Variants in SPATA9 observed in about 807,000 individuals in gnomAD.
SPATA9 encodes the protein spermatogenesis associated 9, also known as spermatogenesis-associated protein 9.
In SPATA9, 27 loss-of-function variants were observed where a neutral mutation model predicts 25.5. That is an observed-to-expected ratio of 1.06 (90% CI 0.78 to 1.46). SPATA9 has a LOEUF of 1.46. Ranked by LOEUF, SPATA9 falls within the 40% of genes most tolerant of loss-of-function variation. The pLI is 0.00. For synonymous variants in SPATA9, 102 were observed against 105.7 expected, an observed-to-expected ratio of 0.97 and a Z score of 0.21; for missense variants, 282 against 297.5, an observed-to-expected ratio of 0.95 and a Z score of 0.38.
Position 95,658,849 on chromosome 5 carries a change from C to G in SPATA9, c.539G>C (p.Arg180Thr). ...KNIFQEEESI[R>T]QNREESENCR... The stretch of plus-strand genomic sequence containing the variant: ...ATTTTCACTCTCCTCTCTGTTTTGC[C>G]TTATGGATTCTTCTTCCTGGAAGAT... The change falls in exon 5 of 5, where the codon AGG (arginine) becomes ACG (threonine). Residue 180 changes from arginine to threonine, a missense_variant. Coordinates refer to ENST00000274432, the MANE Select transcript of SPATA9 (RefSeq NM_031952.4). 6.2e-7 allele frequency: 1 copy of G among 1,613,898 alleles called. No individual in the cohort carries two copies. The highest frequency in any genetic ancestry group is 8.5e-7 in the Non-Finnish European group (1 of 1,179,892).
At chr5:95,725,472 C>T in the SPATA9 span, among the ~76,000 whole-genome samples, 3 of 152,234 alleles carry the variant, frequency 2.0e-5, no homozygotes, top group Non-Finnish European at 2.9e-5. Flanking sequence ...TGAAGAGGGG[C>T]GTCATGTGTG....
chr5:95,686,701 TG>T (rs914711517), upstream of SPATA9, among the ~76,000 whole-genome samples: 3 of 152,054 alleles, frequency 2.0e-5, no homozygotes, highest in South Asian at 2.1e-4. Flanking sequence ...AGGACCCTCC[TG>T]GGGGGGTAAC....
chr5:95,674,502 C>A (rs1284257526), intron 3 of SPATA9, among the ~76,000 whole-genome samples: 1 of 152,150 alleles, frequency 6.6e-6, no homozygotes, highest in Non-Finnish European at 1.5e-5. Context: ...CCGTTGGGGT[C>A]AGGGGTTTTC....
chr5:95,716,467 A>G, the SPATA9 span, among the ~76,000 whole-genome samples: 259 of 152,286 alleles, frequency 1.7e-3, no homozygotes, highest in African/African-American at 6.0e-3. Flanking sequence ...ATTTTGGCCA[A>G]TTTCTCCCAT....
the SPATA9 span, chr5:95,731,935 A>G: frequency 6.2e-7 from 1 of 1,614,062 alleles, no homozygotes; most frequent in Non-Finnish European, 8.5e-7. Flanking sequence ...GCTTATCCGC[A>G]CTTACCTGGG....
chr5:95,654,458 T>C, downstream of SPATA9: 1 of 850,492 alleles, frequency 1.2e-6, no homozygotes, highest in African/African-American at 1.7e-5. Context: ...TTTTAATGCT[T>C]TGAATATAAT....
intron 1 of SPATA9, among the ~76,000 whole-genome samples, chr5:95,694,923 TC>T (rs1427103735): frequency 6.6e-6 from 1 of 152,030 alleles, no homozygotes; most frequent in Non-Finnish European, 1.5e-5. Context: ...AACACACCAA[TC>T]CAACAAAATC....
the SPATA9 span, among the ~76,000 whole-genome samples, chr5:95,728,763 C>T: frequency 6.6e-6 from 1 of 152,094 alleles, no homozygotes; most frequent in Admixed American, 6.6e-5. Flanking sequence ...CATTCTTAGC[C>T]ACAGGATGAG....
upstream of SPATA9, among the ~76,000 whole-genome samples, chr5:95,683,407 C>A (rs1226686006): frequency 6.6e-6 from 1 of 152,128 alleles, no homozygotes; most frequent in African/African-American, 2.4e-5. Context: ...ATCTCAATCT[C>A]TTTTCTTCAT....
chr5:95,667,910 A>G (rs1045115501), intron 3 of SPATA9, among the ~76,000 whole-genome samples: 2 of 152,176 alleles, frequency 1.3e-5, no homozygotes, highest in South Asian at 4.2e-4. Context: ...CTAGTTGTAT[A>G]AAAGTGTATG....
intron 4 of SPATA9, among the ~76,000 whole-genome samples, chr5:95,661,408 C>T (rs1341312901): frequency 6.6e-6 from 1 of 152,062 alleles, no homozygotes; most frequent in Non-Finnish European, 1.5e-5. Context: ...CTCTCCCAGG[C>T]CTTAGATACA....
the SPATA9 span, among the ~76,000 whole-genome samples, chr5:95,728,554 C>T: frequency 1.3e-5 from 2 of 152,180 alleles, no homozygotes; most frequent in African/African-American, 2.4e-5. Flanking sequence ...CTTTTACTGA[C>T]TGCCTTTGTA....
At chr5:95,653,223 A>C in intron 8 of SPATA9, 1 of 1,551,648 alleles carries the variant, frequency 6.4e-7, no homozygotes, top group South Asian at 1.2e-5. Flanking sequence ...AGGTAAGAAA[A>C]TGAAAGGTTT....
At chr5:95,729,189 T>G in the SPATA9 span, among the ~76,000 whole-genome samples, 1 of 152,246 alleles carries the variant, frequency 6.6e-6, no homozygotes, top group African/African-American at 2.4e-5. Flanking sequence ...CTTAATAAAC[T>G]GGCTTTCACT....
upstream of SPATA9, among the ~76,000 whole-genome samples, chr5:95,701,635 T>C (rs1248697690): frequency 2.0e-5 from 3 of 151,802 alleles, no homozygotes; most frequent in Non-Finnish European, 2.9e-5. Context: ...AAGAAAATCA[T>C]TTATATACTA....
At chr5:95,692,851 C>T (rs1753924676) in intron 1 of SPATA9, among the ~76,000 whole-genome samples, 1 of 152,116 alleles carries the variant, frequency 6.6e-6, no homozygotes, top group Non-Finnish European at 1.5e-5. Context: ...TTGTAGCCAA[C>T]TACATACCAA....
chr5:95,694,300 T>G (rs1358437325), intron 1 of SPATA9, among the ~76,000 whole-genome samples: 1 of 152,228 alleles, frequency 6.6e-6, no homozygotes, highest in Non-Finnish European at 1.5e-5. Flanking sequence ...AGAGCATGAC[T>G]TAAAAGTACA....
chr5:95,731,221 A>T, the SPATA9 span: 7 of 1,002,934 alleles, frequency 7.0e-6, no homozygotes, highest in Non-Finnish European at 8.3e-6. Flanking sequence ...CGTCCCCCGC[A>T]TCCGCCCGAC....
intron 1 of SPATA9, among the ~76,000 whole-genome samples, chr5:95,691,392 A>G (rs1051623002): frequency 1.3e-5 from 2 of 152,196 alleles, no homozygotes; most frequent in African/African-American, 4.8e-5. Context: ...GTTTATATAT[A>G]AACACATACA....
Sources: allele counts gnomAD v4.1 joint callset (sites outside exome capture counted in the v4.1 genomes callset), GRCh38; gene constraint gnomAD v4.1.1; transcripts MANE v1.5; gene names NCBI Gene and HGNC (gene_info 2026-07-23, HGNC 2026-07-21).